CALD1: variants seen among roughly 807,000 people sequenced by gnomAD.
The protein encoded by CALD1 is caldesmon 1, also known as caldesmon.
Under a neutral mutation model 99.9 loss-of-function variants are expected in CALD1, and 33 were observed. The ratio of observed to expected loss-of-function variants is 0.33; its 90% CI spans 0.25 to 0.44. CALD1 has a LOEUF of 0.44. Among genes scored for constraint, CALD1 ranks in the 20% least tolerant of loss-of-function variants. The pLI is 1.00. For missense variants in CALD1, 861 were observed against 962.1 expected, an observed-to-expected ratio of 0.89 and a Z score of 1.39; for synonymous variants, 310 against 325.0, an observed-to-expected ratio of 0.95 and a Z score of 0.50.
At chr7:134,958,142 A>T in intron 10 of CALD1, 30 bp downstream of exon 10, 1 of 1,608,208 alleles carries the variant, frequency 6.2e-7, no homozygotes. Flanking sequence ...CAATTGAGCT[A>T]ATCAGCTAGC....
intron 2 of CALD1, among the ~76,000 whole-genome samples, chr7:134,845,008 C>T (rs1799795269): frequency 1.3e-5 from 2 of 152,162 alleles, no homozygotes; most frequent in South Asian, 4.1e-4. Context: ...ACCATTCAGC[C>T]CATAATGCTG....
At chr7:134,827,892 A>G (rs1227935199) in intron 1 of CALD1, among the ~76,000 whole-genome samples, 1 of 152,202 alleles carries the variant, frequency 6.6e-6, no homozygotes, top group Non-Finnish European at 1.5e-5. Flanking sequence ...TTATAACCCA[A>G]CAAGGGCAAC....
chr7:134,720,046 C>A, the CALD1 span, among the ~76,000 whole-genome samples: 1 of 152,254 alleles, frequency 6.6e-6, no homozygotes. Flanking sequence ...CTTTCAGCAC[C>A]TATGTTTAGT....
upstream of CALD1, among the ~76,000 whole-genome samples, chr7:134,776,848 T>C (rs1796922564): frequency 2.0e-5 from 3 of 152,160 alleles, no homozygotes; most frequent in South Asian, 6.2e-4. Flanking sequence ...GCAAGCAAAA[T>C]ATAATTTCTT....
intron 3 of CALD1, among the ~76,000 whole-genome samples, chr7:134,892,279 A>T (rs1323751720): frequency 6.6e-6 from 1 of 152,164 alleles, no homozygotes; most frequent in African/African-American, 2.4e-5. Context: ...GCTGTCTTTC[A>T]ATAGGCAGGG....
intron 1 of CALD1, among the ~76,000 whole-genome samples, chr7:134,781,142 G>A (rs1426040152): frequency 6.6e-6 from 1 of 152,288 alleles, no homozygotes; most frequent in Non-Finnish European, 1.5e-5. Flanking sequence ...AAAGCTGCAG[G>A]CAAAAGCTAT....
intron 3 of CALD1, among the ~76,000 whole-genome samples, chr7:134,882,028 T>C (rs888898251): frequency 6.6e-6 from 1 of 152,244 alleles, no homozygotes; most frequent in Non-Finnish European, 1.5e-5. Flanking sequence ...TGTTTATTTG[T>C]TCTCGTATCT....
chr7:134,874,963 T>G (rs528655124), intron 3 of CALD1, among the ~76,000 whole-genome samples: 1 of 152,336 alleles, frequency 6.6e-6, no homozygotes, highest in African/African-American at 2.4e-5. Context: ...CCAACACTTA[T>G]TCAAAATGCT....
At chr7:134,840,916 TTTCTC>T (rs2132143652) in intron 1 of CALD1, among the ~76,000 whole-genome samples, 1 of 152,284 alleles carries the variant, frequency 6.6e-6, no homozygotes, top group African/African-American at 2.4e-5. Context: ...TATATTATAA[TTTCTC>T]TTAGAGTTAT....
chr7:134,713,720 A>C, the CALD1 span, among the ~76,000 whole-genome samples: 1 of 152,172 alleles, frequency 6.6e-6, no homozygotes, highest in Non-Finnish European at 1.5e-5. Flanking sequence ...CTCTGGTGGG[A>C]AACAGGTTTT....
chr7:134,867,750 G>A lies in CALD1; in HGVS notation c.17G>A (p.Arg6His), dbSNP rs772216381. 10 of 1,608,740 alleles carry A rather than the reference G, an allele frequency of 6.2e-6. No individual in the cohort carries two copies. Among genetic ancestry groups the A allele is most frequent in the African/African-American group, 1.3e-5 (1 of 74,808 alleles). The change falls in exon 3 of 15, where the codon CGT becomes CAT. Residue 6 changes from arginine (R) to histidine (H), a missense_variant. Arg to His is a conservative substitution (Grantham distance 29, BLOSUM62 0). Around this residue, in one of 5 missense-constraint regions of CALD1, gnomAD observed 123 missense variants for 169.8 expected, o/e 0.72. Transcript: ENST00000361675. Reference sequence around the variant, plus strand: ...AATCACACCATGGATGATTTTGAGCGTCGCAGAGAACTTAGAAGGCAAAAG... The same window carrying A: ...AATCACACCATGGATGATTTTGAGCATCGCAGAGAACTTAGAAGGCAAAAG... MDDFE[R>H]RRELRRQKRE...
chr7:134,970,715 A>C lies in CALD1; in HGVS notation c.*2370A>C, dbSNP rs2133321300. 1 of 152,462 alleles carries C rather than the reference A, an allele frequency of 6.6e-6. No individual in the cohort carries two copies. Among genetic ancestry groups the C allele is most frequent in the South Asian group, 2.1e-4 (1 of 4,832 alleles). The allele number at this position is 152,462 out of a possible 1,614,324, so 9.4% of individuals were successfully genotyped here. Reference sequence around the variant, plus strand: ...TGTCTATTATAATAAAGATTATGGCACAGTAAAACCTGTATTTCAGGTTGA... The same window carrying C: ...TGTCTATTATAATAAAGATTATGGCCCAGTAAAACCTGTATTTCAGGTTGA... On this transcript the variant is annotated 3_prime_UTR_variant, in exon 15 of 15. Transcript: ENST00000361675.
At chr7:134,945,318 A>G (rs1162813123) in intron 7 of CALD1, among the ~76,000 whole-genome samples, 1 of 152,242 alleles carries the variant, frequency 6.6e-6, no homozygotes, top group Admixed American at 6.5e-5. Context: ...CTCTAGAGAC[A>G]GAGGTAGGAA....
At chr7:134,771,189 G>T (rs1403336155) in intron 1 of CALD1, among the ~76,000 whole-genome samples, 3 of 152,036 alleles carry the variant, frequency 2.0e-5, no homozygotes, top group Non-Finnish European at 4.4e-5. Context: ...CTCATTCCTG[G>T]TTTTAAATCC....
At chr7:134,761,941 G>A (rs1796782230) in intron 1 of CALD1, among the ~76,000 whole-genome samples, 1 of 152,130 alleles carries the variant, frequency 6.6e-6, no homozygotes, top group African/African-American at 2.4e-5. Flanking sequence ...TAGCAGGAAC[G>A]GACCTGGGAA....
chr7:134,719,805 G>A, the CALD1 span, among the ~76,000 whole-genome samples: 1 of 152,212 alleles, frequency 6.6e-6, no homozygotes, highest in African/African-American at 2.4e-5. Flanking sequence ...TTAAGGGAAT[G>A]AATTTTGAGA....
intron 2 of CALD1, among the ~76,000 whole-genome samples, chr7:134,852,356 T>C (rs1357850633): frequency 1.3e-5 from 2 of 151,934 alleles, no homozygotes; most frequent in East Asian, 1.9e-4. Flanking sequence ...GTAAGTTGTG[T>C]TTGCATGGGA....
intron 1 of CALD1, among the ~76,000 whole-genome samples, chr7:134,807,275 A>C (rs559309166): frequency 2.0e-5 from 3 of 152,356 alleles, no homozygotes; most frequent in African/African-American, 7.2e-5. Context: ...TGGCACAACC[A>C]TGCAACATTC....
At chr7:134,726,845 C>G in the CALD1 span, among the ~76,000 whole-genome samples, 5 of 152,194 alleles carry the variant, frequency 3.3e-5, no homozygotes, top group Non-Finnish European at 7.3e-5. Flanking sequence ...AAATCTTGCT[C>G]CAGAGCCCAT....
Sources: gnomAD v4.1 joint callset for allele counts (sites outside exome capture counted in the v4.1 genomes callset) on GRCh38, gnomAD v4.1.1 for gene constraint, gnomAD v4.1.1 regional missense constraint, MANE v1.5 for transcripts, NCBI Gene and HGNC (gene_info 2026-07-23, HGNC 2026-07-21) for gene names.